Variants in WDR75 observed in about 807,000 individuals in gnomAD.
The protein encoded by WDR75 is WD repeat domain 75, also known as WD repeat-containing protein 75.
In WDR75, 52 loss-of-function variants were observed where a neutral mutation model predicts 106.1. That is an observed-to-expected ratio of 0.49 (90% CI 0.39 to 0.62). WDR75 has a LOEUF of 0.62. Among genes scored for constraint, WDR75 ranks in the 20% least tolerant of loss-of-function variants. The pLI, the probability that WDR75 is intolerant of heterozygous loss-of-function variation, is 0.00. For synonymous variants in WDR75, 333 were observed against 335.5 expected (o/e 0.99, Z 0.08); for missense variants, 905 against 970.3 (o/e 0.93, Z 0.89).
At chr2:189,471,462 G>A (rs1241622034) in intron 18 of WDR75, among the ~76,000 whole-genome samples, 1 of 152,192 alleles carries the variant, frequency 6.6e-6, no homozygotes, top group Admixed American at 6.5e-5. Flanking sequence ...TGTAGTAATA[G>A]GCAGATTGTT....
chr2:189,459,637 A>C (rs569713148), intron 8 of WDR75, among the ~76,000 whole-genome samples: 1 of 152,338 alleles, frequency 6.6e-6, no homozygotes, highest in Admixed American at 6.5e-5. Context: ...TTGTGATAAA[A>C]ATCTCTGTTG....
chr2:189,470,954 A>G (rs962574028), intron 18 of WDR75, 76 bp downstream of exon 18: 2 of 1,147,300 alleles, frequency 1.7e-6, no homozygotes, highest in African/African-American at 3.2e-5. Context: ...GTCAACTATG[A>G]AAAAAATATT....
chr2:189,446,363 T>C (rs1451352137), intron 1 of WDR75, among the ~76,000 whole-genome samples: 1 of 152,040 alleles, frequency 6.6e-6, no homozygotes, highest in Admixed American at 6.5e-5. Context: ...CCCTGAAGAG[T>C]GGCCCAGGCT....
At chr2:189,469,531 A>T in intron 16 of WDR75, 92 bp downstream of exon 16, 1 of 1,072,798 alleles carries the variant, frequency 9.3e-7, no homozygotes, top group Non-Finnish European at 1.4e-6. Context: ...TTCACATCAG[A>T]TGTTAATTGG....
chr2:189,469,085 TAGC>T (rs1330876344), intron 15 of WDR75, among the ~76,000 whole-genome samples: 5 of 152,156 alleles, frequency 3.3e-5, no homozygotes, highest in South Asian at 2.1e-4. Flanking sequence ...TGTACACATT[TAGC>T]AGCATCAGAA....
chr2:189,469,356 C>T lies in WDR75; in HGVS notation c.1736C>T (p.Ala579Val). ...TTTTTCCCCTCAGTGGAGTGGAATGCAAAATTAAATGTTAGAGTTATGGAA... is the reference window on the plus strand; with the variant it reads ...TTTTTCCCCTCAGTGGAGTGGAATGTAAAATTAAATGTTAGAGTTATGGAA... ...NLLSCALEWN[A>V]KLNVRVMEPD... is the part of the protein sequence containing the mutation. The change falls in exon 16 of 21, where the codon GCA becomes GTA. Residue 579 changes from alanine to valine, a missense_variant. Transcript: ENST00000314761. 1 of 1,613,022 alleles carries T rather than the reference C, an allele frequency of 6.2e-7. No homozygotes were observed. Among genetic ancestry groups the T allele is most frequent in the South Asian group, 1.1e-5 (1 of 91,056 alleles).
At chr2:189,454,885 T>C (rs1686701124) in intron 4 of WDR75, among the ~76,000 whole-genome samples, 1 of 152,132 alleles carries the variant, frequency 6.6e-6, no homozygotes, top group Non-Finnish European at 1.5e-5. Context: ...ACCTTTAAGG[T>C]ATGTTTTGTT....
chr2:189,466,668 G>A, intron 13 of WDR75, 86 bp downstream of exon 13: 1 of 1,354,050 alleles, frequency 7.4e-7, no homozygotes, highest in Non-Finnish European at 1.0e-6. Context: ...CATCCTGGGA[G>A]GACATTTTCT....
rs112863490 is a variant in WDR75 at position 189,462,663 on chromosome 2, A to G, written c.937+21A>G. ...TAATAGTAAGTCTAAATTTTTTATTATGAGGAAATATATAAACACCATAAA... is the reference window on the plus strand; with the variant it reads ...TAATAGTAAGTCTAAATTTTTTATTGTGAGGAAATATATAAACACCATAAA... On this transcript the variant is annotated intron_variant, in intron 9 of 20. Transcript: ENST00000314761. The G allele has an allele frequency of 0.041, 65,729 of 1,608,264 alleles. 1,863 individuals carry two copies. Among genetic ancestry groups the G allele is most frequent in the African/African-American group, 0.14 (10,333 of 74,712 alleles).
In WDR75 at chr2:189,462,639, A is replaced by G. The variant is rs954078349; in HGVS notation, c.934A>G (p.Asn312Asp). Reference protein sequence around the residue: ...GDLFCTSHSDNKIIIIHRNLE... With the variant: ...GDLFCTSHSDDKIIIIHRNLE... ...TTTATTCTGCACTTCTCACTCTGAT[A>G]ATAGTAAGTCTAAATTTTTTATTAT... is the stretch of plus-strand genomic sequence containing the variant. The change falls in exon 9 of 21, where the codon AAT becomes GAT. Residue 312 changes from asparagine to aspartate, a missense_variant. By Grantham distance (23) the Asn-to-Asp change is conservative. Transcript: ENST00000314761. 1.2e-6 allele frequency: 2 copies of G among 1,613,348 alleles called. No homozygotes were observed. Among genetic ancestry groups the G allele is most frequent in the Non-Finnish European group, 1.7e-6 (2 of 1,179,638 alleles).
chr2:189,465,172 G>A lies in WDR75; in HGVS notation c.1207G>A (p.Ala403Thr). 1.9e-6 allele frequency: 3 copies of A among 1,613,238 alleles called. No homozygotes were observed. The highest frequency in any genetic ancestry group is 1.7e-6 in the Non-Finnish European group (2 of 1,179,436). ...ATTTGGCTGCTTTGGTAACTGGCTTGCAACAGTGGAACAGCGGCAAGAAAA... is the reference window on the plus strand; with the variant it reads ...ATTTGGCTGCTTTGGTAACTGGCTTACAACAGTGGAACAGCGGCAAGAAAA... The part of the protein sequence containing the change: ...AAFGCFGNWL[A>T]TVEQRQEKET... Residue 403 changes from alanine (A) to threonine (T), a missense_variant, in exon 12 of 21, where the codon GCA (alanine) becomes ACA (threonine). Transcript: ENST00000314761.
At chr2:189,466,321 CTGT>C (rs1207478171) in intron 12 of WDR75, 101 bp from the exon 13 acceptor site, 3 of 1,251,244 alleles carry the variant, frequency 2.4e-6, no homozygotes, top group Non-Finnish European at 3.4e-6. Flanking sequence ...TATCAGTTGC[CTGT>C]TGTTCAAGAT....
intron 17 of WDR75, 138 bp downstream of exon 17, chr2:189,470,383 C>T (rs1431156921): frequency 5.7e-6 from 5 of 874,336 alleles, no homozygotes; most frequent in African/African-American, 5.1e-5. Flanking sequence ...GTCTAATATG[C>T]TCAGTACAGC....
chr2:189,451,200 T>G (rs1011530337), intron 3 of WDR75, among the ~76,000 whole-genome samples: 1 of 152,144 alleles, frequency 6.6e-6, no homozygotes, highest in Non-Finnish European at 1.5e-5. Flanking sequence ...TACAAAAATC[T>G]TCCCAAAAAC....
chr2:189,459,512 A>G (rs976017444), intron 8 of WDR75, 88 bp downstream of exon 8: 212 of 1,267,524 alleles, frequency 1.7e-4, no homozygotes, highest in Admixed American at 5.6e-4. Flanking sequence ...GGAAGATTTA[A>G]AACTGCATGA....
chr2:189,468,659 A>T, intron 15 of WDR75, 90 bp downstream of exon 15: 1 of 1,311,040 alleles, frequency 7.6e-7, no homozygotes, highest in South Asian at 1.2e-5. Flanking sequence ...GGATCATATC[A>T]TCAGGTCTGT....
intron 14 of WDR75, 141 bp downstream of exon 14, chr2:189,467,789 C>T: frequency 2.8e-6 from 2 of 707,354 alleles, no homozygotes; most frequent in Non-Finnish European, 4.3e-6. Flanking sequence ...TGCTGGAAAG[C>T]CAAAAATTCT....
intron 6 of WDR75, among the ~76,000 whole-genome samples, chr2:189,457,692 T>C (rs940406307): frequency 2.6e-5 from 4 of 152,180 alleles, no homozygotes; most frequent in Admixed American, 2.6e-4. Context: ...ATTTTATGAA[T>C]GTAGGAATGA....
At chr2:189,469,699 A>G (rs914229974) in intron 16 of WDR75, among the ~76,000 whole-genome samples, 5 of 152,154 alleles carry the variant, frequency 3.3e-5, no homozygotes, top group South Asian at 2.1e-4. Context: ...CCAGTTTGAC[A>G]TATTTCCAAC....
Sources: allele counts gnomAD v4.1 joint callset (sites outside exome capture counted in the v4.1 genomes callset), GRCh38; gene constraint gnomAD v4.1.1; transcripts MANE v1.5; gene names NCBI Gene and HGNC (gene_info 2026-07-23, HGNC 2026-07-21).